The following CCSER1 variants were observed in gnomAD, a reference collection of about 807,000 sequenced individuals.
CCSER1 encodes coiled-coil serine rich protein 1.
Under a neutral mutation model 82.0 loss-of-function variants are expected in CCSER1, and 41 were observed. The ratio of observed to expected loss-of-function variants is 0.50; its 90% CI spans 0.39 to 0.65. The LOEUF is 0.65. Ranked by LOEUF, CCSER1 falls within the 30% of genes least tolerant of loss-of-function variation. CCSER1 has a pLI of 0.00. For missense variants in CCSER1, 1,119 were observed against 1,064.2 expected (o/e 1.05, Z -0.72); for synonymous variants, 414 against 383.9 (o/e 1.08, Z -0.92).
chr4:90,464,616 T>A (rs1358491847), intron 4 of CCSER1, among the ~76,000 whole-genome samples: 1 of 152,214 alleles, frequency 6.6e-6, no homozygotes, highest in Non-Finnish European at 1.5e-5. Flanking sequence ...CAACAAAAAT[T>A]CTTTTCACAG....
chr4:90,533,257 ACTTTT>A (rs1345987918), intron 5 of CCSER1, among the ~76,000 whole-genome samples: 10 of 151,302 alleles, frequency 6.6e-5, no homozygotes, highest in Admixed American at 5.3e-4. Context: ...ACGCCTGGCA[ACTTTT>A]TTTTTTGTAT....
intron 3 of CCSER1, among the ~76,000 whole-genome samples, chr4:90,392,688 A>G (rs1485914654): frequency 6.6e-6 from 1 of 152,204 alleles, no homozygotes; most frequent in African/African-American, 2.4e-5. Flanking sequence ...ACTTGCCTCC[A>G]GAGCAAGAAT....
chr4:91,027,524 C>T (rs1740596887), intron 9 of CCSER1, among the ~76,000 whole-genome samples: 1 of 151,980 alleles, frequency 6.6e-6, no homozygotes, highest in African/African-American at 2.4e-5. Context: ...ACTTTTATAT[C>T]TATACTGATG....
intron 8 of CCSER1, among the ~76,000 whole-genome samples, chr4:90,876,261 T>C (rs1319830415): frequency 1.3e-5 from 2 of 152,082 alleles, no homozygotes; most frequent in African/African-American, 4.8e-5. Flanking sequence ...AAGATTATCA[T>C]TCATTATAAT....
chr4:91,477,994 T>G (rs1293132923), intron 10 of CCSER1, among the ~76,000 whole-genome samples: 1 of 151,900 alleles, frequency 6.6e-6, no homozygotes, highest in African/African-American at 2.4e-5. Flanking sequence ...TATTCCAGTC[T>G]TCTTGACCAC....
intron 8 of CCSER1, among the ~76,000 whole-genome samples, chr4:90,901,061 A>C (rs553257083): frequency 6.6e-6 from 1 of 151,988 alleles, no homozygotes; most frequent in East Asian, 1.9e-4. Context: ...TTTTTAAAAA[A>C]ACTGTTGTTT....
At chr4:90,710,302 G>A (rs1740318107) in intron 6 of CCSER1, among the ~76,000 whole-genome samples, 1 of 150,976 alleles carries the variant, frequency 6.6e-6, no homozygotes, top group Non-Finnish European at 1.5e-5. Context: ...GTTTTGTTTT[G>A]TTTTTTGCTG....
chr4:90,182,683 T>G (rs563622007), intron 1 of CCSER1, among the ~76,000 whole-genome samples: 1 of 152,118 alleles, frequency 6.6e-6, no homozygotes. Flanking sequence ...CCCCTCTATT[T>G]TGGAAAGGAA....
chr4:91,058,111 C>A (rs1043491019), intron 9 of CCSER1, among the ~76,000 whole-genome samples: 1 of 151,944 alleles, frequency 6.6e-6, no homozygotes, highest in Non-Finnish European at 1.5e-5. Flanking sequence ...ATTTCATCAC[C>A]CAGGTGTTAA....
At chr4:90,990,658 A>G (rs572165887) in intron 9 of CCSER1, among the ~76,000 whole-genome samples, 40 of 151,982 alleles carry the variant, frequency 2.6e-4, no homozygotes, top group Non-Finnish European at 4.3e-4. Context: ...GCACTGAATC[A>G]GAATTTCTGA....
chr4:90,775,745 A>G (rs1054768433), intron 7 of CCSER1, among the ~76,000 whole-genome samples: 2 of 152,180 alleles, frequency 1.3e-5, no homozygotes, highest in African/African-American at 4.8e-5. Context: ...TTTTTAGCTA[A>G]TATTTCATAT....
At chr4:91,021,746 A>G (rs1054218407) in intron 9 of CCSER1, among the ~76,000 whole-genome samples, 6 of 152,208 alleles carry the variant, frequency 3.9e-5, no homozygotes, top group African/African-American at 1.4e-4. Flanking sequence ...ATTAACCACG[A>G]ATTAATCATA....
chr4:91,437,920 G>A (rs1040550143), intron 10 of CCSER1, among the ~76,000 whole-genome samples: 2 of 152,208 alleles, frequency 1.3e-5, no homozygotes, highest in Non-Finnish European at 2.9e-5. Flanking sequence ...CAGCAGCGAG[G>A]CAGGGGGAGG....
chr4:90,546,065 T>C (rs1776711999), intron 5 of CCSER1, among the ~76,000 whole-genome samples: 1 of 152,156 alleles, frequency 6.6e-6, no homozygotes, highest in Non-Finnish European at 1.5e-5. Flanking sequence ...GGCTGCCTTT[T>C]ATGTGAAAGA....
chr4:90,668,851 A>T (rs1305918225), intron 6 of CCSER1, among the ~76,000 whole-genome samples: 2 of 152,122 alleles, frequency 1.3e-5, no homozygotes, highest in Admixed American at 1.3e-4. Flanking sequence ...TGTATAAGAA[A>T]CTTTTAAAAT....
intron 10 of CCSER1, among the ~76,000 whole-genome samples, chr4:91,260,921 A>C (rs34394397): frequency 0.55 from 83,429 of 151,756 alleles, 24,031 homozygotes; most frequent in African/African-American, 0.75. Context: ...CTACCACGCC[A>C]GGCTAATTTC....
At chr4:90,462,744 C>T (rs1763112219) in intron 4 of CCSER1, among the ~76,000 whole-genome samples, 1 of 152,034 alleles carries the variant, frequency 6.6e-6, no homozygotes, top group African/African-American at 2.4e-5. Context: ...AACACCATCT[C>T]ATAAAGTAAA....
chr4:90,529,936 A>AAT (rs1013939688), intron 5 of CCSER1, among the ~76,000 whole-genome samples: 1,672 of 130,820 alleles, frequency 0.013, 31 homozygotes, highest in African/African-American at 0.047. Flanking sequence ...TATTAAATAG[A>AAT]ATATATATAT....
At chr4:91,232,749 T>C (rs892332507) in intron 10 of CCSER1, among the ~76,000 whole-genome samples, 4 of 151,850 alleles carry the variant, frequency 2.6e-5, no homozygotes, top group Non-Finnish European at 5.9e-5. Flanking sequence ...TTAAAATGTA[T>C]CTCTGTGTGT....
Sources: allele counts gnomAD v4.1 joint callset (sites outside exome capture counted in the v4.1 genomes callset), GRCh38; gene constraint gnomAD v4.1.1; transcripts MANE v1.5; gene names NCBI Gene and HGNC (gene_info 2026-07-23, HGNC 2026-07-21).